The following ST3GAL4 variants were observed in gnomAD, a reference collection of about 807,000 sequenced individuals.
ST3GAL4 encodes the protein CMP-N-acetylneuraminate-beta-galactosamide-alpha-2,3-sialyltransferase 4.
ST3GAL4 carries 24 observed loss-of-function variants against 42.6 expected under a neutral mutation model. That is an observed-to-expected ratio of 0.56 (90% CI 0.41 to 0.79). ST3GAL4 has a LOEUF of 0.79. Among genes scored for constraint, ST3GAL4 ranks in the 30% least tolerant of loss-of-function variants. ST3GAL4 has a pLI of 0.00. For synonymous variants in ST3GAL4, 135 were observed against 163.2 expected (o/e 0.83, Z 1.32); for missense variants, 311 against 430.8 (o/e 0.72, Z 2.46).
chr11:126,386,157 A>G lies in ST3GAL4; in HGVS notation c.-60-19939A>G, dbSNP rs1953217372. On this transcript the variant is annotated intron_variant, in intron 1 of 10. Transcript: ENST00000444328. This position sits in a 1 kb window ranked among gnomAD's most constrained non-coding sequence, Gnocchi z 4.7. Reference sequence around the variant, plus strand: ...GGTTTATAGCCGGCTCCTCAGAGACATGGTTCTATCCCCCCAGTGGCCAAG... The same window carrying G: ...GGTTTATAGCCGGCTCCTCAGAGACGTGGTTCTATCCCCCCAGTGGCCAAG... Among the ~76,000 whole-genome samples the G allele has an allele frequency of 6.6e-6, 1 of 152,016 alleles. No individual in the cohort carries two copies. Among genetic ancestry groups the G allele is most frequent in the Non-Finnish European group, 1.5e-5 (1 of 68,004 alleles).
At chr11:126,371,313 C>T (rs1290549335) in intron 1 of ST3GAL4, among the ~76,000 whole-genome samples, 3 of 151,656 alleles carry the variant, frequency 2.0e-5, no homozygotes, top group Admixed American at 6.6e-5. Flanking sequence ...TACAGACGCA[C>T]GCCATCACGC....
In ST3GAL4 at chr11:126,393,374, G is replaced by A. The variant is rs1953595501; in HGVS notation, c.-60-12722G>A. 6.6e-6 allele frequency: 1 copy of A among 152,338 alleles called. No homozygotes were observed. The highest frequency in any genetic ancestry group is 1.9e-4 in the East Asian group (1 of 5,202). 9.4% of individuals were successfully genotyped at this position (152,338 alleles called of 1,614,324 possible). ...GGGCAGGATATCAGGGGGTCCAGAA[G>A]AGGTTGGGTTTAGGCAGAGTAGAGG... On this transcript the variant is annotated intron_variant, in intron 1 of 10. Transcript: ENST00000444328. This position sits in a 1 kb window ranked among gnomAD's most constrained non-coding sequence, Gnocchi z 5.9.
rs1953943400 is a variant in ST3GAL4, at chr11:126,400,185, T to TAGAATAGAAATCCAA, written c.-60-5911_-60-5910insAGAATAGAAATCCAA. ...TAGAATTTTATTTGGCTCATGGTTC[T>TAGAATAGAAATCCAA]GGAGGCTGGGAAGTCCAAGATCAAG... On this transcript the variant is annotated intron_variant, in intron 1 of 10. Transcript: ENST00000444328. The surrounding 1 kb of genome is among the most constrained non-coding windows in gnomAD (Gnocchi z 4.6). 1.3e-5 allele frequency among the ~76,000 whole-genome samples: 2 copies of TAGAATAGAAATCCAA among 152,262 alleles called. No individual in the cohort carries two copies. The highest frequency in any genetic ancestry group is 4.8e-5 in the African/African-American group (2 of 41,468).
At chr11:126,405,712 AC>A (rs1259290496) in intron 1 of ST3GAL4, 4 of 245,356 alleles carry the variant, frequency 1.6e-5, no homozygotes, top group African/African-American at 6.8e-5. Flanking sequence ...GAGTTGGCTA[AC>A]TTTTTGTCTC....
Position 126,384,868 on chromosome 11 carries a change from G to C in ST3GAL4, c.-60-21228G>C. The C allele has an allele frequency of 1.0e-6, 1 of 985,372 alleles. No homozygotes were observed. The allele number at this position is 985,372 out of a possible 1,614,324, so 61.0% of individuals were successfully genotyped here. On this transcript the variant is annotated intron_variant, in intron 1 of 10. Coordinates refer to ENST00000444328, the MANE Select transcript of ST3GAL4 (RefSeq NM_001254757.2). This position sits in a 1 kb window ranked among gnomAD's most constrained non-coding sequence, Gnocchi z 5.5. ...GAGAGGTGAGTGTGATTGTGGTAGT[G>C]GTGGGGGCAGTGGCTGAGGACCCCT...
intron 1 of ST3GAL4, among the ~76,000 whole-genome samples, chr11:126,385,444 G>T (rs1215575909): frequency 6.6e-6 from 1 of 152,060 alleles, no homozygotes; most frequent in Non-Finnish European, 1.5e-5. Context: ...GAGCCACCGC[G>T]CCTGACCCAC....
rs1008177051 is a variant in ST3GAL4, at chr11:126,396,127, C to T, written c.-60-9969C>T. 2.0e-5 allele frequency among the ~76,000 whole-genome samples: 3 copies of T among 151,916 alleles called. No individual in the cohort carries two copies. Among genetic ancestry groups the T allele is most frequent in the Non-Finnish European group, 4.4e-5 (3 of 67,998 alleles). ...GGAGAACTCCCCAGCCCGTAGCCTG[C>T]GCTCACTGTACCTGGCAGTTGTATT... is the stretch of plus-strand genomic sequence containing the variant. On this transcript the variant is annotated intron_variant, in intron 1 of 10. Transcript: ENST00000444328. The surrounding 1 kb of genome is among the most constrained non-coding windows in gnomAD (Gnocchi z 5.8).
At chr11:126,408,003 C>G (rs1231842481) in intron 6 of ST3GAL4, 96 bp from the exon 7 acceptor site, 1 of 1,375,314 alleles carries the variant, frequency 7.3e-7, no homozygotes, top group Non-Finnish European at 9.9e-7. Flanking sequence ...CTGAGGGGGC[C>G]TAGGAAGTGG....
intron 1 of ST3GAL4, among the ~76,000 whole-genome samples, chr11:126,364,505 G>C (rs1952359824): frequency 7.0e-6 from 1 of 143,076 alleles, no homozygotes; most frequent in Admixed American, 7.1e-5. Flanking sequence ...ACCAGTCCTG[G>C]ATAGGCTGAG....
At chr11:126,372,303 A>G (rs1952684855) in intron 1 of ST3GAL4, among the ~76,000 whole-genome samples, 1 of 152,146 alleles carries the variant, frequency 6.6e-6, no homozygotes, top group Non-Finnish European at 1.5e-5. Flanking sequence ...CTATAAGTGG[A>G]ATGATACAGT....
rs565390524 is a variant in ST3GAL4 at position 126,412,622 on chromosome 11, G to A, written c.772-883G>A. ...TTTGGGAGGCAGAGGTGGGTGGATC[G>A]CTTGAGCCCAGGAGTTCGAGATCAG... On this transcript the variant is annotated intron_variant, in intron 9 of 10. Coordinates refer to ENST00000444328, the MANE Select transcript of ST3GAL4 (RefSeq NM_001254757.2). Among the ~76,000 whole-genome samples the A allele has an allele frequency of 3.9e-5, 6 of 152,250 alleles. No individual in the cohort carries two copies. The South Asian group carries it at 6.2e-4, about 16-fold the overall frequency.
At chr11:126,402,466 AAAAG>A (rs959828034) in intron 1 of ST3GAL4, among the ~76,000 whole-genome samples, 1 of 151,710 alleles carries the variant, frequency 6.6e-6, no homozygotes, top group Non-Finnish European at 1.5e-5. Flanking sequence ...AAAAAAAAAA[AAAAG>A]AAGAAGAAGA....
At chr11:126,358,205 G>A (rs888866231) in intron 1 of ST3GAL4, among the ~76,000 whole-genome samples, 5 of 152,236 alleles carry the variant, frequency 3.3e-5, no homozygotes, top group Non-Finnish European at 7.3e-5. Flanking sequence ...CAGTTCAGTC[G>A]CACTGGGCCG....
Position 126,359,589 on chromosome 11 carries a change from G to A in ST3GAL4, c.-61+3747G>A, listed in dbSNP as rs917038746. Among the ~76,000 whole-genome samples the A allele has an allele frequency of 6.6e-6, 1 of 152,196 alleles. No homozygotes were observed. The highest frequency in any genetic ancestry group is 1.5e-5 in the Non-Finnish European group (1 of 68,028). On this transcript the variant is annotated intron_variant, in intron 1 of 10. Transcript: ENST00000444328. The surrounding 1 kb of genome is among the most constrained non-coding windows in gnomAD (Gnocchi z 4.8). ...GAAGGGGTTTGCTCAAGGCCACAGT[G>A]TATTAGTGTCAAAGGTGGAACACAA...
chr11:126,365,517 G>A (rs1952392506), intron 1 of ST3GAL4, among the ~76,000 whole-genome samples: 1 of 152,214 alleles, frequency 6.6e-6, no homozygotes, highest in Admixed American at 6.5e-5. Flanking sequence ...GCTGGCTTCT[G>A]TGTGCAGAGG....
rs535294137 is a variant in ST3GAL4 at position 126,391,718 on chromosome 11, G to T, written c.-60-14378G>T. On this transcript the variant is annotated intron_variant, in intron 1 of 10. Coordinates refer to ENST00000444328, the MANE Select transcript of ST3GAL4 (RefSeq NM_001254757.2). The surrounding 1 kb of genome is among the most constrained non-coding windows in gnomAD (Gnocchi z 5.5). ...AGGAGGAGAGCTGAGTGTGATTGGG[G>T]TCGTGGTGGGGCCAGTGGCAGTGGA... Among the ~76,000 whole-genome samples the T allele has an allele frequency of 1.3e-5, 2 of 152,296 alleles. No individual in the cohort carries two copies. Among genetic ancestry groups the T allele is most frequent in the African/African-American group, 2.4e-5 (1 of 41,574 alleles).
chr11:126,381,291 G>T (rs538030513), intron 1 of ST3GAL4, among the ~76,000 whole-genome samples: 1 of 152,316 alleles, frequency 6.6e-6, no homozygotes, highest in African/African-American at 2.4e-5. Context: ...GAGGTGTGTA[G>T]GGGTTCCCTG....
intron 1 of ST3GAL4, among the ~76,000 whole-genome samples, chr11:126,368,045 G>A (rs1952501410): frequency 6.6e-6 from 1 of 151,998 alleles, no homozygotes. Context: ...CTACTTGGGA[G>A]GCTGAGCAGG....
In ST3GAL4 at chr11:126,413,570, C is replaced by T. The variant is rs374972599; in HGVS notation, c.837C>T (p.Ala279=). 105 of 1,614,240 alleles carry T rather than the reference C, an allele frequency of 6.5e-5. No homozygotes were observed. The highest frequency in any genetic ancestry group is 4.3e-4 in the Admixed American group (26 of 60,030). Residue 279 remains alanine (A), a synonymous_variant, in exon 10 of 11, where the codon GCC becomes GCT. Transcript: ENST00000444328. ...ACCTCTGTGACTTGGTGCACATTGC[C>T]GGCTTTGGCTACCCAGACGCCTACA... ...ALHLCDLVHI[A]GFGYPDAYNK...
Sources: gnomAD v4.1 joint callset for allele counts (sites outside exome capture counted in the v4.1 genomes callset) on GRCh38, gnomAD v4.1.1 for gene constraint, Gnocchi (gnomAD v3.1) non-coding constraint, MANE v1.5 for transcripts, NCBI Gene and HGNC (gene_info 2026-07-23, HGNC 2026-07-21) for gene names.